Variants in STARD13 observed in about 807,000 individuals in gnomAD.
The protein encoded by STARD13 is StAR related lipid transfer domain containing 13.
STARD13 carries 62 observed loss-of-function variants against 106.4 expected under a neutral mutation model. That is an observed-to-expected ratio of 0.58 (90% CI 0.48 to 0.72). The LOEUF is 0.72. Among genes scored for constraint, STARD13 ranks in the 30% least tolerant of loss-of-function variants. The probability of loss-of-function intolerance (pLI) is 0.00; values close to 1 mark genes in which losing one functional copy is unlikely to be tolerated. For missense variants in STARD13, 1,387 were observed against 1,424.0 expected, an observed-to-expected ratio of 0.97 and a Z score of 0.42; for synonymous variants, 565 against 553.0, an observed-to-expected ratio of 1.02 and a Z score of -0.31.
intron 1 of STARD13, among the ~76,000 whole-genome samples, chr13:33,201,060 CAAATAAAAATAA>C (rs948462052): frequency 6.7e-6 from 1 of 149,494 alleles, no homozygotes; most frequent in Admixed American, 6.6e-5. Context: ...AATAAATAAA[CAAATAAAAATAA>C]AAATAAAAAA....
chr13:33,165,840 C>T (rs1261843327), intron 2 of STARD13, among the ~76,000 whole-genome samples: 1 of 152,128 alleles, frequency 6.6e-6, no homozygotes, highest in Non-Finnish European at 1.5e-5. Context: ...CCAAAAATAC[C>T]CAAAGTTCTA....
intron 1 of STARD13, chr13:33,186,088 C>T: frequency 6.3e-7 from 1 of 1,588,280 alleles, no homozygotes; most frequent in Non-Finnish European, 8.6e-7. Flanking sequence ...CGGTTGCTAA[C>T]AGTGGAGAGG....
chr13:33,133,415 C>A (rs1163541717), intron 4 of STARD13, among the ~76,000 whole-genome samples: 2 of 148,110 alleles, frequency 1.4e-5, no homozygotes, highest in Non-Finnish European at 1.5e-5. Context: ...TTGTTTGAAC[C>A]AAAGCAAACA....
the STARD13 span, among the ~76,000 whole-genome samples, chr13:33,534,052 A>G: frequency 6.6e-6 from 1 of 152,224 alleles, no homozygotes; most frequent in Non-Finnish European, 1.5e-5. Context: ...CAACTGATCA[A>G]TAAGTAGAGA....
chr13:33,190,701 C>A (rs1488911343), intron 1 of STARD13, among the ~76,000 whole-genome samples: 1 of 151,814 alleles, frequency 6.6e-6, no homozygotes, highest in East Asian at 1.9e-4. Flanking sequence ...ATTCTTCTGC[C>A]TCAGCTTCCT....
At chr13:33,535,413 A>G in the STARD13 span, among the ~76,000 whole-genome samples, 1 of 152,232 alleles carries the variant, frequency 6.6e-6, no homozygotes, top group African/African-American at 2.4e-5. Flanking sequence ...ACAATTTCAA[A>G]TTGATACAAT....
the STARD13 span, among the ~76,000 whole-genome samples, chr13:33,358,951 T>G: frequency 1.3e-5 from 2 of 152,074 alleles, no homozygotes; most frequent in Non-Finnish European, 2.9e-5. Context: ...TGTATCTAAC[T>G]AATCTGATGG....
the STARD13 span, among the ~76,000 whole-genome samples, chr13:33,610,065 G>GA: frequency 2.6e-5 from 4 of 151,978 alleles, no homozygotes; most frequent in African/African-American, 9.7e-5. Flanking sequence ...GATTTACATT[G>GA]ATATTCACAA....
chr13:33,589,126 G>A, the STARD13 span, among the ~76,000 whole-genome samples: 1 of 152,156 alleles, frequency 6.6e-6, no homozygotes, highest in African/African-American at 2.4e-5. Flanking sequence ...TTGTATTTCT[G>A]TGGGATCGGT....
the STARD13 span, among the ~76,000 whole-genome samples, chr13:33,497,786 T>A: frequency 1.3e-5 from 2 of 152,182 alleles, no homozygotes; most frequent in African/African-American, 4.8e-5. Context: ...GTGGAGAGTA[T>A]CAGGTTTGGT....
At chr13:33,262,342 C>T (rs1364978564) in intron 1 of STARD13, among the ~76,000 whole-genome samples, 2 of 152,076 alleles carry the variant, frequency 1.3e-5, no homozygotes, top group Admixed American at 6.5e-5. Flanking sequence ...CTAGAGGCTC[C>T]GTCCTGTTAC....
At chr13:33,190,865 T>G (rs1821319123) in intron 1 of STARD13, among the ~76,000 whole-genome samples, 2 of 152,168 alleles carry the variant, frequency 1.3e-5, no homozygotes, top group South Asian at 4.1e-4. Flanking sequence ...ATTACAGGCA[T>G]GAGCCACCGT....
chr13:33,451,225 G>T, the STARD13 span, among the ~76,000 whole-genome samples: 4 of 152,204 alleles, frequency 2.6e-5, no homozygotes, highest in East Asian at 7.7e-4. Context: ...TTATAGAAAA[G>T]AGTGGAAAGT....
At chr13:33,360,148 G>A in the STARD13 span, among the ~76,000 whole-genome samples, 3 of 152,138 alleles carry the variant, frequency 2.0e-5, no homozygotes, top group African/African-American at 7.2e-5. Flanking sequence ...TTTTAAAAAT[G>A]GGGGAGCCTC....
intron 1 of STARD13, among the ~76,000 whole-genome samples, chr13:33,253,452 A>T (rs1890186721): frequency 6.6e-6 from 1 of 152,238 alleles, no homozygotes; most frequent in African/African-American, 2.4e-5. Context: ...TACCCCAAAG[A>T]ACACAATTAT....
the STARD13 span, among the ~76,000 whole-genome samples, chr13:33,472,862 G>T: frequency 6.6e-6 from 1 of 152,008 alleles, no homozygotes; most frequent in South Asian, 2.1e-4. Flanking sequence ...ATGCGAAAAT[G>T]TCTAGATTTT....
chr13:33,361,599 A>T, the STARD13 span, among the ~76,000 whole-genome samples: 1 of 152,238 alleles, frequency 6.6e-6, no homozygotes, highest in African/African-American at 2.4e-5. Context: ...TAATTGACTC[A>T]CAGTTCCACA....
chr13:33,644,222 G>A, the STARD13 span, among the ~76,000 whole-genome samples: 4 of 152,200 alleles, frequency 2.6e-5, no homozygotes, highest in Non-Finnish European at 5.9e-5. Flanking sequence ...CTCAGGCCTG[G>A]TCTGGCCATT....
chr13:33,262,457 G>T (rs1444564263), intron 1 of STARD13, among the ~76,000 whole-genome samples: 1 of 152,178 alleles, frequency 6.6e-6, no homozygotes, highest in Non-Finnish European at 1.5e-5. Context: ...GCTCTAAGGG[G>T]ATAATGAGTG....
Sources: allele counts gnomAD v4.1 joint callset (sites outside exome capture counted in the v4.1 genomes callset), GRCh38; gene constraint gnomAD v4.1.1; transcripts MANE v1.5; gene names NCBI Gene and HGNC (gene_info 2026-07-23, HGNC 2026-07-21).